Variants in USP24 observed in about 807,000 individuals in gnomAD.
The protein encoded by USP24 is ubiquitin specific peptidase 24.
In USP24, 97 loss-of-function variants were observed where a neutral mutation model predicts 361.6. The ratio of observed to expected loss-of-function variants is 0.27; its 90% CI spans 0.23 to 0.32. USP24 has a LOEUF of 0.32. Among genes scored for constraint, USP24 ranks in the 10% least tolerant of loss-of-function variants. The pLI, the probability that USP24 is intolerant of heterozygous loss-of-function variation, is 1.00. For missense variants in USP24, 2,353 were observed against 3,165.6 expected (o/e 0.74, Z 6.16); for synonymous variants, 1,098 against 1,124.6 (o/e 0.98, Z 0.47).
intron 1 of USP24, among the ~76,000 whole-genome samples, chr1:55,194,796 G>A (rs1298345862): frequency 2.6e-5 from 4 of 151,930 alleles, no homozygotes; most frequent in East Asian, 1.9e-4. Context: ...TCCTAACCCC[G>A]GAACTGTGTC....
chr1:55,157,560 C>T (rs1647806172), intron 10 of USP24, among the ~76,000 whole-genome samples, 190 bp from the exon 11 acceptor site: 1 of 152,112 alleles, frequency 6.6e-6, no homozygotes, highest in African/African-American at 2.4e-5. Context: ...GGGCCAGGCA[C>T]GGTGGCTCAC....
intron 34 of USP24, 71 bp downstream of exon 34, chr1:55,125,249 T>A (rs1282875612): frequency 6.9e-7 from 1 of 1,448,722 alleles, no homozygotes. Flanking sequence ...TATATCCCCA[T>A]AGCACCTCTT....
At chr1:55,095,499 C>T in intron 50 of USP24, 103 bp from the exon 51 acceptor site, 1 of 1,299,172 alleles carries the variant, frequency 7.7e-7, no homozygotes, top group Non-Finnish European at 1.0e-6. Flanking sequence ...GTTAACTACT[C>T]CCTAAGTTTG....
At chr1:55,149,644 T>C (rs960728354) in intron 16 of USP24, among the ~76,000 whole-genome samples, 2 of 152,174 alleles carry the variant, frequency 1.3e-5, no homozygotes, top group African/African-American at 4.8e-5. Flanking sequence ...ATATCTGAAA[T>C]TGACACTTTA....
chr1:55,134,529 G>T, intron 28 of USP24, 116 bp from the exon 29 acceptor site: 1 of 874,438 alleles, frequency 1.1e-6, no homozygotes, highest in Non-Finnish European at 1.8e-6. Context: ...TCACTGTAAA[G>T]CTTGAGGGAA....
At chr1:55,134,512 T>G in intron 28 of USP24, 99 bp from the exon 29 acceptor site, 1 of 1,068,808 alleles carries the variant, frequency 9.4e-7, no homozygotes, top group South Asian at 1.4e-5. Context: ...TCTGAAAGGC[T>G]GGCTGGTCAC....
intron 58 of USP24, among the ~76,000 whole-genome samples, chr1:55,081,771 A>G (rs1215674221): frequency 6.6e-6 from 1 of 152,250 alleles, no homozygotes; most frequent in Non-Finnish European, 1.5e-5. Context: ...CCACAACAGT[A>G]TCTTGAGTTC....
intron 59 of USP24, 98 bp downstream of exon 59, chr1:55,081,224 G>A (rs747850626): frequency 4.0e-5 from 49 of 1,239,722 alleles, no homozygotes; most frequent in South Asian, 1.2e-4. Flanking sequence ...GCAAGTAGTC[G>A]AATGAGAAAC....
At chr1:55,208,051 G>GT (rs548789294) in intron 1 of USP24, among the ~76,000 whole-genome samples, 388 of 152,302 alleles carry the variant, frequency 2.5e-3, no homozygotes, top group Non-Finnish European at 4.0e-3. Context: ...TGGAAAGATT[G>GT]TAAGAATAAT....
rs1644832505 is a variant in USP24 at position 55,066,791 on chromosome 1, A to G, written c.*2254T>C. 1 of 152,228 alleles carries G rather than the reference A, an allele frequency of 6.6e-6. No homozygotes were observed. The allele number at this position is 152,228 out of a possible 1,614,324, so 9.4% of individuals were successfully genotyped here. Reference sequence around the variant, plus strand: ...TGAGAACACACAGCATTATTGAGTTAATTGTGCAATTCCTGCTCTGTTTGC... The same window carrying G: ...TGAGAACACACAGCATTATTGAGTTGATTGTGCAATTCCTGCTCTGTTTGC... On this transcript the variant is annotated 3_prime_UTR_variant, in exon 68 of 68. Coordinates refer to ENST00000294383, the MANE Select transcript of USP24 (RefSeq NM_015306.3).
chr1:55,134,287 T>C (rs1313112250), intron 29 of USP24, 41 bp downstream of exon 29: 1 of 1,591,702 alleles, frequency 6.3e-7, no homozygotes, highest in African/African-American at 1.3e-5. Context: ...CTAATGTTAG[T>C]AACTTTCTCT....
At position 55,115,337 on chromosome 1, in the gene USP24, A is replaced by T. The variant is rs944476443; in HGVS notation, c.4509-5091T>A. On this transcript the variant is annotated intron_variant, in intron 38 of 67. Transcript: ENST00000294383. ...CGGTGAAACCCCGTCTCTACTAAAA[A>T]TACAAAAAATTAGCCGGGCGTAGTG... Among the ~76,000 whole-genome samples, 8 of 151,784 alleles carry T rather than the reference A, an allele frequency of 5.3e-5. No homozygotes were observed. In the South Asian group the frequency reaches 1.0e-3, roughly 20 times the overall value.
chr1:55,078,825 T>C lies in USP24; in HGVS notation c.7201-174A>G, dbSNP rs1645081691. ...ATAGACTTCAGGGTGTCTAAGCCTG[T>C]CTGAAATTTTACACAATTTTGTGCA... On this transcript the variant is annotated intron_variant, in intron 60 of 67. Coordinates refer to ENST00000294383, the MANE Select transcript of USP24 (RefSeq NM_015306.3). Among the ~76,000 whole-genome samples, 5 of 152,242 alleles carry C rather than the reference T, an allele frequency of 3.3e-5. No homozygotes were observed. In the South Asian group the frequency reaches 1.0e-3, roughly 32 times the overall value.
At chr1:55,107,699 G>A (rs1003095033) in intron 39 of USP24, among the ~76,000 whole-genome samples, 14 of 151,320 alleles carry the variant, frequency 9.3e-5, no homozygotes, top group Non-Finnish European at 1.9e-4. Context: ...AAAATTACAC[G>A]GGCACGGTGG....
intron 12 of USP24, among the ~76,000 whole-genome samples, chr1:55,156,580 T>C (rs1339527469): frequency 6.6e-6 from 1 of 152,172 alleles, no homozygotes; most frequent in Non-Finnish European, 1.5e-5. Flanking sequence ...CAATCATCTT[T>C]ATTTAATAGG....
At chr1:55,093,163 G>A (rs41298543) in intron 52 of USP24, among the ~76,000 whole-genome samples, 8,343 of 152,202 alleles carry the variant, frequency 0.055, 639 homozygotes, top group African/African-American at 0.17. Context: ...CAGGTAAACT[G>A]CCATGTGAAG....
intron 58 of USP24, among the ~76,000 whole-genome samples, chr1:55,081,749 G>GTGAGTTCTTCACCACAACAGTATCT (rs1194762056): frequency 6.6e-6 from 1 of 152,208 alleles, no homozygotes. Context: ...CGTAATGTGA[G>GTGAGTTCTTCACCACAACAGTATCT]TGAGTTCTTC....
In USP24 at chr1:55,086,051, G is replaced by A; in HGVS notation, c.6669-13C>T. 1 of 1,613,010 alleles carries A rather than the reference G, an allele frequency of 6.2e-7. No individual in the cohort carries two copies. The highest frequency in any genetic ancestry group is 8.5e-7 in the Non-Finnish European group (1 of 1,179,194). ...CAGTAAGAAAATCCTGAAAGAAAGA[G>A]AAAGGTGGTGTGAAAAAGCAAGATA... On this transcript the variant is annotated splice_polypyrimidine_tract_variant and intron_variant, in intron 55 of 67. Transcript: ENST00000294383.
At chr1:55,207,830 T>C (rs1644750834) in intron 1 of USP24, among the ~76,000 whole-genome samples, 1 of 152,214 alleles carries the variant, frequency 6.6e-6, no homozygotes, top group Non-Finnish European at 1.5e-5. Flanking sequence ...TAATGTCAAA[T>C]GAATTTTGCA....
Sources: gnomAD v4.1 joint callset for allele counts (sites outside exome capture counted in the v4.1 genomes callset) on GRCh38, gnomAD v4.1.1 for gene constraint, MANE v1.5 for transcripts, NCBI Gene and HGNC (gene_info 2026-07-23, HGNC 2026-07-21) for gene names.